Variants in HECTD4 observed in about 807,000 individuals in gnomAD.
The protein encoded by HECTD4 is probable E3 ubiquitin-protein ligase HECTD4.
HECTD4 carries 114 observed loss-of-function variants against 471.5 expected under a neutral mutation model. The observed-to-expected ratio is 0.24, with a 90% CI of 0.21 to 0.28. The LOEUF is 0.28. HECTD4 is among the 10% of genes least tolerant of loss of function. The pLI is 1.00. For missense variants in HECTD4, 3,866 were observed against 5,651.5 expected (o/e 0.68, Z 10.13); for synonymous variants, 2,012 against 2,256.0 (o/e 0.89, Z 3.07).
intron 1 of HECTD4, among the ~76,000 whole-genome samples, chr12:112,333,259 T>G (rs10850031): frequency 0.46 from 69,387 of 152,080 alleles, 20,109 homozygotes; most frequent in East Asian, 0.9. Context: ...ATGTTTACCA[T>G]CTAGAGGAAA....
intron 1 of HECTD4, among the ~76,000 whole-genome samples, chr12:112,362,339 T>C (rs757724799): frequency 9.9e-5 from 15 of 152,232 alleles, no homozygotes; most frequent in Non-Finnish European, 1.6e-4. Context: ...AAGTACTTCA[T>C]ACTTTAATAT....
chr12:112,310,986 G>A (rs982050056), intron 4 of HECTD4, among the ~76,000 whole-genome samples: 2 of 152,206 alleles, frequency 1.3e-5, no homozygotes, highest in African/African-American at 2.4e-5. Context: ...CTGTGGCCAG[G>A]CACAGTGGCT....
At position 112,163,803 on chromosome 12, in the gene HECTD4, C is replaced by T; in HGVS notation, c.12702-66G>A. 1 of 1,330,890 alleles carries T rather than the reference C, an allele frequency of 7.5e-7. No individual in the cohort carries two copies. Among genetic ancestry groups the T allele is most frequent in the Non-Finnish European group, 9.9e-7 (1 of 1,013,348 alleles). 82.4% of individuals were successfully genotyped at this position (1,330,890 alleles called of 1,614,324 possible). ...AAGAGGCTGGGTCTGGGGGCCACACCCACTCAGCTGGAGGTCCCGGATCCT... is the reference window on the plus strand; with the variant it reads ...AAGAGGCTGGGTCTGGGGGCCACACTCACTCAGCTGGAGGTCCCGGATCCT... On this transcript the variant is annotated intron_variant, in intron 73 of 75. Transcript: ENST00000682272. The surrounding 1 kb of genome is among the most constrained non-coding windows in gnomAD (Gnocchi z 8.2).
At chr12:112,177,615 T>C (rs2031501067) in intron 64 of HECTD4, among the ~76,000 whole-genome samples, 1 of 152,136 alleles carries the variant, frequency 6.6e-6, no homozygotes, top group Non-Finnish European at 1.5e-5. Flanking sequence ...CTCCTGACCT[T>C]GTGAACCGCC....
intron 11 of HECTD4, among the ~76,000 whole-genome samples, 174 bp downstream of exon 11, chr12:112,273,481 A>G (rs1014763772): frequency 4.6e-5 from 7 of 152,218 alleles, no homozygotes; most frequent in African/African-American, 1.7e-4. Flanking sequence ...TTACTTAATC[A>G]TAACTCATCT....
intron 1 of HECTD4, among the ~76,000 whole-genome samples, chr12:112,361,565 A>G (rs1210361149): frequency 6.6e-6 from 1 of 152,002 alleles, no homozygotes; most frequent in African/African-American, 2.4e-5. Flanking sequence ...GAGTCAACAT[A>G]CCCGGCCCTT....
intron 7 of HECTD4, chr12:112,302,808 A>C (rs553390747): frequency 4.6e-5 from 12 of 261,070 alleles, no homozygotes; most frequent in Admixed American, 2.5e-4. Context: ...TTATTAGGGA[A>C]AATTTTCAAC....
chr12:112,184,837 C>G lies in HECTD4; in HGVS notation c.10129G>C (p.Val3377Leu). The G allele has an allele frequency of 6.2e-7, 1 of 1,607,400 alleles. No homozygotes were observed. Among genetic ancestry groups the G allele is most frequent in the African/African-American group, 1.3e-5 (1 of 74,966 alleles). ...LTRKDPQGLG[V>L]TSDAIADACQ... ...GCATCGGCGATGGCGTCACTCGTCA[C>G]GCCCAGCCCCTGTGGGTCCTTCCTG... The change falls in exon 61 of 76, where the codon GTG (valine) becomes CTG (leucine). Residue 3377 changes from valine (V) to leucine (L), a missense_variant. Val to Leu is a conservative substitution (Grantham distance 32, BLOSUM62 1). Transcript: ENST00000682272. This position sits in a 1 kb window ranked among gnomAD's most constrained non-coding sequence, Gnocchi z 9.1.
At chr12:112,274,735 AC>A (rs1334412752) in intron 10 of HECTD4, 111 bp downstream of exon 10, 1 of 682,636 alleles carries the variant, frequency 1.5e-6, no homozygotes, top group Non-Finnish European at 2.5e-6. Context: ...AAAACAAAAA[AC>A]GTCTTTCTTT....
At chr12:112,226,583 T>C in intron 44 of HECTD4, 60 bp downstream of exon 44, 1 of 1,120,910 alleles carries the variant, frequency 8.9e-7, no homozygotes, top group Non-Finnish European at 1.3e-6. Context: ...CATTATCAAA[T>C]TGCAAATGTG....
intron 1 of HECTD4, among the ~76,000 whole-genome samples, chr12:112,358,491 G>A (rs2036386912): frequency 6.6e-6 from 1 of 152,006 alleles, no homozygotes; most frequent in African/African-American, 2.4e-5. Context: ...TAAATTTTAT[G>A]TTATGAATAT....
chr12:112,376,316 G>A (rs1353530308), intron 1 of HECTD4, among the ~76,000 whole-genome samples: 2 of 151,766 alleles, frequency 1.3e-5, no homozygotes, highest in South Asian at 2.1e-4. Context: ...GCCTGATCTC[G>A]GCTCACTGCA....
intron 64 of HECTD4, among the ~76,000 whole-genome samples, chr12:112,177,706 T>C (rs1180907751): frequency 6.6e-6 from 1 of 152,226 alleles, no homozygotes; most frequent in African/African-American, 2.4e-5. Context: ...AAAAAAGGAA[T>C]GGGGAATTCT....
At chr12:112,298,519 A>G (rs1296635214) in intron 7 of HECTD4, among the ~76,000 whole-genome samples, 3 of 133,890 alleles carry the variant, frequency 2.2e-5, no homozygotes, top group Non-Finnish European at 4.6e-5. Flanking sequence ...GGGTCTCACT[A>G]TGTTGCATGT....
Position 112,379,198 on chromosome 12 carries a change from ATAT to A in HECTD4, c.177+2751_177+2753del, listed in dbSNP as rs374473482. Among the ~76,000 whole-genome samples, 192 of 152,356 alleles carry A rather than the reference ATAT, an allele frequency of 1.3e-3. 2 individuals carry two copies. In the East Asian group the frequency reaches 0.018, roughly 14 times the overall value. ...ACTATACATGCATGGAGGCAATAAAATATTATGATGAGGAGCAGATGTGCAGTG... is the reference window on the plus strand; with the variant it reads ...ACTATACATGCATGGAGGCAATAAAATATGATGAGGAGCAGATGTGCAGTG... On this transcript the variant is annotated intron_variant, in intron 1 of 75. Coordinates refer to ENST00000682272, the MANE Select transcript of HECTD4 (RefSeq NM_001388303.1).
intron 9 of HECTD4, 75 bp downstream of exon 9, chr12:112,279,149 TTAAA>T: frequency 7.7e-7 from 1 of 1,298,456 alleles, no homozygotes; most frequent in Non-Finnish European, 1.1e-6. Context: ...AAAGTAAGTT[TTAAA>T]TAATTAATAG....
chr12:112,226,577 A>G, intron 44 of HECTD4, 66 bp downstream of exon 44: 1 of 1,044,672 alleles, frequency 9.6e-7, no homozygotes, highest in Non-Finnish European at 1.4e-6. Context: ...ACATACCATT[A>G]TCAAATTGCA....
chr12:112,186,894 C>T (rs1343001596), intron 60 of HECTD4, among the ~76,000 whole-genome samples: 2 of 152,090 alleles, frequency 1.3e-5, no homozygotes, highest in Admixed American at 6.5e-5. Context: ...TCTTGAACTT[C>T]TGGCCTCAAG....
chr12:112,237,063 G>A lies in HECTD4; in HGVS notation c.5326C>T (p.Arg1776Trp), dbSNP rs1228738501. 1.9e-6 allele frequency: 3 copies of A among 1,595,230 alleles called. No homozygotes were observed. Among genetic ancestry groups the A allele is most frequent in the Non-Finnish European group, 1.7e-6 (2 of 1,171,408 alleles). ...STEAVHSGLARQVSSLLTNHL... is the reference protein window; with the variant it reads ...STEAVHSGLAWQVSSLLTNHL... ...TTAGTGAGAAGGCTGGACACCTGCC[G>A]GGCCAGACCTGAGTGCACAGCCTCT... The change falls in exon 35 of 76, where the codon CGG becomes TGG. Residue 1776 changes from arginine (R) to tryptophan (W), a missense_variant. By Grantham distance (101) the Arg-to-Trp change is moderately radical. Coordinates refer to ENST00000682272, the MANE Select transcript of HECTD4 (RefSeq NM_001388303.1).
Sources: allele counts gnomAD v4.1 joint callset (sites outside exome capture counted in the v4.1 genomes callset), GRCh38; gene constraint gnomAD v4.1.1; non-coding constraint Gnocchi (gnomAD v3.1); transcripts MANE v1.5; gene names NCBI Gene and HGNC (gene_info 2026-07-23, HGNC 2026-07-21).